PTBP2: variants seen among roughly 807,000 people sequenced by gnomAD.
PTBP2 encodes the protein polypyrimidine tract-binding protein 2.
PTBP2 carries 13 observed loss-of-function variants against 61.4 expected under a neutral mutation model. That is an observed-to-expected ratio of 0.21 (90% CI 0.14 to 0.34). The LOEUF (loss-of-function observed/expected upper bound fraction) is 0.34. Among genes scored for constraint, PTBP2 ranks in the 10% least tolerant of loss-of-function variants. The pLI is 1.00. For missense variants in PTBP2, 405 were observed against 642.6 expected, an observed-to-expected ratio of 0.63 and a Z score of 4.00; for synonymous variants, 215 against 218.5, an observed-to-expected ratio of 0.98 and a Z score of 0.14.
intron 8 of PTBP2, among the ~76,000 whole-genome samples, chr1:96,790,019 A>G (rs550711312): frequency 3.3e-5 from 5 of 152,228 alleles, no homozygotes; most frequent in Admixed American, 1.3e-4. Flanking sequence ...ACAAGGTCCT[A>G]TGGAGGGCCG....
intron 2 of PTBP2, among the ~76,000 whole-genome samples, chr1:96,737,708 C>G (rs1652425776): frequency 6.6e-6 from 1 of 152,084 alleles, no homozygotes; most frequent in Non-Finnish European, 1.5e-5. Flanking sequence ...TAGTAGAAGA[C>G]AAAATTTAAA....
Position 96,725,900 on chromosome 1 carries a change from C to A in PTBP2, c.39+2306C>A, listed in dbSNP as rs1411622484. 2.0e-5 allele frequency among the ~76,000 whole-genome samples: 3 copies of A among 151,076 alleles called. No homozygotes were observed. In the East Asian group the frequency reaches 6.0e-4, roughly 30 times the overall value. ...ACCATCCTGGCTAACACGGTGAAAC[C>A]CTGTCTTTACTAAAAATACAAAAAA... On this transcript the variant is annotated intron_variant, in intron 2 of 13. Coordinates refer to ENST00000674951, the MANE Select transcript of PTBP2 (RefSeq NM_021190.4).
chr1:96,812,704 T>G lies in PTBP2; in HGVS notation c.1172-8T>G. The G allele has an allele frequency of 6.4e-7, 1 of 1,550,662 alleles. No individual in the cohort carries two copies. ...TTGTTTGTTAATAGACATGCTTTCT[T>G]TTTATAGCCATGAATCATCTTAATG... On this transcript the variant is annotated splice_polypyrimidine_tract_variant and splice_region_variant and intron_variant, in intron 11 of 13. Coordinates refer to ENST00000674951, the MANE Select transcript of PTBP2 (RefSeq NM_021190.4).
At chr1:96,726,472 C>T (rs1454641447) in intron 2 of PTBP2, among the ~76,000 whole-genome samples, 1 of 149,130 alleles carries the variant, frequency 6.7e-6, no homozygotes, top group Non-Finnish European at 1.5e-5. Flanking sequence ...GAGTCTCGCC[C>T]GGTCTCCCAG....
At chr1:96,723,442 C>A (rs934894288) in intron 1 of PTBP2, 122 bp from the exon 2 acceptor site, 18 of 692,102 alleles carry the variant, frequency 2.6e-5, no homozygotes, top group Non-Finnish European at 4.3e-5. Context: ...TTTTTATCCC[C>A]ATCTGTGTGT....
intron 2 of PTBP2, among the ~76,000 whole-genome samples, chr1:96,735,602 C>T (rs1436968785): frequency 6.6e-6 from 1 of 152,096 alleles, no homozygotes; most frequent in Non-Finnish European, 1.5e-5. Flanking sequence ...AAATCAAATA[C>T]AGTAAATTAA....
At chr1:96,810,094 T>C (rs1387083220) in intron 11 of PTBP2, among the ~76,000 whole-genome samples, 1 of 151,938 alleles carries the variant, frequency 6.6e-6, no homozygotes, top group East Asian at 1.9e-4. Flanking sequence ...CACCACTATG[T>C]CTGTAAATTT....
chr1:96,735,758 G>A (rs1652074508), intron 2 of PTBP2, among the ~76,000 whole-genome samples: 1 of 152,010 alleles, frequency 6.6e-6, no homozygotes, highest in African/African-American at 2.4e-5. Flanking sequence ...AAAATGTGTT[G>A]GAAAGGAAGA....
exon 14 of PTBP2, chr1:96,822,353 A>T (rs189990285): frequency 2.1e-4 from 32 of 152,354 alleles, no homozygotes; most frequent in Admixed American, 2.0e-4. Context: ...CAGAATCAAG[A>T]TTACGGCACC....
At chr1:96,817,281 G>A (rs1258881871), downstream of PTBP2, 1 of 152,024 alleles carries the variant, frequency 6.6e-6, no homozygotes, top group Non-Finnish European at 1.5e-5. Context: ...TTAAAATGGA[G>A]CCTAAATCTG....
chr1:96,759,629 G>A (rs980748825), intron 3 of PTBP2, among the ~76,000 whole-genome samples: 1 of 152,128 alleles, frequency 6.6e-6, no homozygotes, highest in Admixed American at 6.5e-5. Flanking sequence ...TGGGATAAAT[G>A]AAGATTTCTT....
chr1:96,802,602 A>G (rs273861), intron 8 of PTBP2, among the ~76,000 whole-genome samples: 9 of 152,142 alleles, frequency 5.9e-5, no homozygotes, highest in East Asian at 1.9e-4. Flanking sequence ...ATCTAGTCCA[A>G]ATATCTTTGA....
intron 5 of PTBP2, among the ~76,000 whole-genome samples, chr1:96,772,899 G>A (rs1657542220): frequency 6.6e-6 from 1 of 151,026 alleles, no homozygotes. Context: ...GATTACCTGA[G>A]GTCAGGAGTT....
At chr1:96,731,271 C>T (rs1038052920) in intron 2 of PTBP2, among the ~76,000 whole-genome samples, 4 of 152,158 alleles carry the variant, frequency 2.6e-5, no homozygotes, top group Non-Finnish European at 5.9e-5. Flanking sequence ...TGCCAGAACA[C>T]TCATTTGTTT....
rs761470630 is a variant in PTBP2, at chr1:96,804,115, G to A, written c.905-685G>A. On this transcript the variant is annotated intron_variant, in intron 8 of 13. Transcript: ENST00000674951. ...GGAAATGATAACATAGATTGGGAAAGGATAGGAAAATACTGAAACAAAATC... is the reference window on the plus strand; with the variant it reads ...GGAAATGATAACATAGATTGGGAAAAGATAGGAAAATACTGAAACAAAATC... 3.3e-5 allele frequency among the ~76,000 whole-genome samples: 5 copies of A among 152,150 alleles called. No homozygotes were observed. In the East Asian group the frequency reaches 7.7e-4, roughly 23 times the overall value.
At chr1:96,732,208 CAAAT>C (rs1351487163) in intron 2 of PTBP2, among the ~76,000 whole-genome samples, 1 of 152,096 alleles carries the variant, frequency 6.6e-6, no homozygotes, top group Non-Finnish European at 1.5e-5. Context: ...AAATTACAAT[CAAAT>C]AATGCTAAAT....
chr1:96,743,010 G>T (rs1653249231), intron 2 of PTBP2, among the ~76,000 whole-genome samples: 1 of 151,954 alleles, frequency 6.6e-6, no homozygotes, highest in African/African-American at 2.4e-5. Flanking sequence ...TTTCTGGCTG[G>T]GCGTGGTGGC....
At chr1:96,802,662 G>A (rs759899900) in intron 8 of PTBP2, among the ~76,000 whole-genome samples, 37 of 152,056 alleles carry the variant, frequency 2.4e-4, no homozygotes, top group Non-Finnish European at 4.9e-4. Context: ...TTTGAGGCTT[G>A]GTACTGAACT....
chr1:96,796,773 CTA>C (rs1660436227), intron 8 of PTBP2, among the ~76,000 whole-genome samples: 1 of 150,284 alleles, frequency 6.7e-6, no homozygotes, highest in Non-Finnish European at 1.5e-5. Context: ...AAGCTTGACT[CTA>C]TGGTAAAGTC....
Sources: allele counts gnomAD v4.1 joint callset (sites outside exome capture counted in the v4.1 genomes callset), GRCh38; gene constraint gnomAD v4.1.1; transcripts MANE v1.5; gene names NCBI Gene and HGNC (gene_info 2026-07-23, HGNC 2026-07-21).